Variants in HPCAL1 observed in about 807,000 individuals in gnomAD.
HPCAL1 encodes the protein hippocalcin like 1.
In HPCAL1, 8 loss-of-function variants were observed where a neutral mutation model predicts 17.1. The observed-to-expected ratio is 0.47, with a 90% CI of 0.27 to 0.84. The LOEUF (loss-of-function observed/expected upper bound fraction) is 0.84. Among genes scored for constraint, HPCAL1 ranks in the 40% least tolerant of loss-of-function variants. The probability of loss-of-function intolerance (pLI) is 0.13; values close to 1 mark genes in which losing one functional copy is unlikely to be tolerated. For synonymous variants in HPCAL1, 112 were observed against 111.4 expected (o/e 1.01, Z -0.03); for missense variants, 165 against 271.1 (o/e 0.61, Z 2.75).
At chr2:10,318,092 T>G (rs894633455) in intron 1 of HPCAL1, among the ~76,000 whole-genome samples, 2 of 152,232 alleles carry the variant, frequency 1.3e-5, no homozygotes, top group African/African-American at 4.8e-5. Context: ...ATCCTATTTG[T>G]GCATATTCTT....
chr2:10,342,474 T>C lies in HPCAL1; in HGVS notation c.-111+39297T>C, dbSNP rs1462562319. Among the ~76,000 whole-genome samples, 1 of 144,788 alleles carries C rather than the reference T, an allele frequency of 6.9e-6. No homozygotes were observed. Among genetic ancestry groups the C allele is most frequent in the Non-Finnish European group, 1.5e-5 (1 of 66,156 alleles). The allele number at this position is 144,788 out of a possible 152,430, so 95.0% of individuals were successfully genotyped here. A position where few individuals can be genotyped will look rare whatever the true frequency, so the allele number is the denominator to read the frequency against. ...GAAAGGGAGGCGTGCAGAAACAACG[T>C]AGCTCCAAGGAGGACTGATCAGCCC... On this transcript the variant is annotated intron_variant, in intron 1 of 4. Transcript: ENST00000307845. This position sits in a 1 kb window ranked among gnomAD's most constrained non-coding sequence, Gnocchi z 4.1.
chr2:10,307,581 TCCTA>T (rs1662702956), intron 1 of HPCAL1, among the ~76,000 whole-genome samples: 1 of 152,170 alleles, frequency 6.6e-6, no homozygotes, highest in African/African-American at 2.4e-5. Flanking sequence ...AAGCTGTGTC[TCCTA>T]CCTATTATGG....
intron 1 of HPCAL1, among the ~76,000 whole-genome samples, chr2:10,370,137 C>T (rs978597431): frequency 1.8e-4 from 28 of 152,222 alleles, no homozygotes; most frequent in African/African-American, 6.3e-4. Context: ...GGCTAATCTG[C>T]GCACCCTCTT....
At chr2:10,422,378 G>A (rs977847265) in intron 3 of HPCAL1, among the ~76,000 whole-genome samples, 17 of 152,134 alleles carry the variant, frequency 1.1e-4, no homozygotes, top group South Asian at 4.1e-4. Context: ...TCCCATCACC[G>A]TCTCCTCTGT....
At chr2:10,412,605 A>G (rs1169696236) in intron 2 of HPCAL1, among the ~76,000 whole-genome samples, 1 of 152,228 alleles carries the variant, frequency 6.6e-6, no homozygotes, top group Non-Finnish European at 1.5e-5. Context: ...CCTAGCTGCA[A>G]GGGAGGCTGG....
intron 2 of HPCAL1, among the ~76,000 whole-genome samples, chr2:10,410,193 T>C (rs1020079918): frequency 2.6e-5 from 4 of 152,146 alleles, no homozygotes; most frequent in Admixed American, 2.6e-4. Flanking sequence ...GGGATCTGAC[T>C]GATGAAAGCA....
chr2:10,302,908 G>C lies in HPCAL1; in HGVS notation c.-380G>C, dbSNP rs1662358227. On this transcript the variant is annotated 5_prime_UTR_variant, in exon 1 of 5. Coordinates refer to ENST00000307845, the MANE Select transcript of HPCAL1 (RefSeq NM_002149.4). The stretch of plus-strand genomic sequence containing the variant: ...CCCTTCCTTCCCGGAGCTGGCAGGC[G>C]GGCCGCGGCGGCGGCGGGCAGCGGA... 1 of 151,968 alleles carries C rather than the reference G, an allele frequency of 6.6e-6. No individual in the cohort carries two copies. Among genetic ancestry groups the C allele is most frequent in the Admixed American group, 6.6e-5 (1 of 15,234 alleles). The allele number at this position is 151,968 out of a possible 1,614,324, so 9.4% of individuals were successfully genotyped here. A position where few individuals can be genotyped will look rare whatever the true frequency, so the allele number is the denominator to read the frequency against.
At chr2:10,360,473 A>G (rs186592096) in intron 1 of HPCAL1, among the ~76,000 whole-genome samples, 56 of 151,738 alleles carry the variant, frequency 3.7e-4, no homozygotes, top group Admixed American at 1.1e-3. Flanking sequence ...GTGCAGTGGC[A>G]CGATCTCTGT....
chr2:10,387,881 C>T (rs1668417919), intron 1 of HPCAL1, among the ~76,000 whole-genome samples: 1 of 152,192 alleles, frequency 6.6e-6, no homozygotes, highest in South Asian at 2.1e-4. Context: ...TGGATCTTTC[C>T]TTTCTTTTCT....
At chr2:10,320,675 C>T (rs1472320915) in intron 1 of HPCAL1, among the ~76,000 whole-genome samples, 1 of 152,226 alleles carries the variant, frequency 6.6e-6, no homozygotes, top group African/African-American at 2.4e-5. Context: ...GAGAGAGAAT[C>T]CCTGGGGAGG....
chr2:10,376,324 G>GA (rs975732165), intron 1 of HPCAL1, among the ~76,000 whole-genome samples: 31 of 152,142 alleles, frequency 2.0e-4, no homozygotes, highest in African/African-American at 7.5e-4. Flanking sequence ...GTCTTGTGCT[G>GA]AAATTGTTAT....
intron 1 of HPCAL1, among the ~76,000 whole-genome samples, chr2:10,334,346 A>G (rs991037908): frequency 6.6e-6 from 1 of 151,926 alleles, no homozygotes; most frequent in Non-Finnish European, 1.5e-5. Flanking sequence ...ACAAACAAAA[A>G]AACCAACAAC....
chr2:10,336,631 G>T (rs1664739528), intron 1 of HPCAL1, among the ~76,000 whole-genome samples: 1 of 152,212 alleles, frequency 6.6e-6, no homozygotes, highest in South Asian at 2.1e-4. Flanking sequence ...GTTGGTTGTG[G>T]CTCTGCTCTA....
intron 1 of HPCAL1, among the ~76,000 whole-genome samples, chr2:10,357,984 G>A (rs1666279983): frequency 6.6e-6 from 1 of 152,216 alleles, no homozygotes; most frequent in African/African-American, 2.4e-5. Context: ...CCAGCCCCAG[G>A]GCTGAAACCC....
intron 3 of HPCAL1, among the ~76,000 whole-genome samples, chr2:10,422,635 G>A (rs1671135797): frequency 6.6e-6 from 1 of 152,140 alleles, no homozygotes; most frequent in African/African-American, 2.4e-5. Context: ...AGCTCAGCAG[G>A]CAGTGTGGGG....
intron 1 of HPCAL1, among the ~76,000 whole-genome samples, chr2:10,337,553 C>T (rs1391056851): frequency 6.6e-6 from 1 of 152,148 alleles, no homozygotes; most frequent in Non-Finnish European, 1.5e-5. Flanking sequence ...TTACTTCTCA[C>T]AGCCTCCCTG....
intron 1 of HPCAL1, among the ~76,000 whole-genome samples, chr2:10,305,250 G>T (rs1435618229): frequency 6.6e-6 from 1 of 151,988 alleles, no homozygotes; most frequent in Non-Finnish European, 1.5e-5. Flanking sequence ...AATCAGTCTG[G>T]CTTTCTCAGC....
chr2:10,386,811 C>T (rs1340822998), intron 1 of HPCAL1, among the ~76,000 whole-genome samples: 1 of 152,226 alleles, frequency 6.6e-6, no homozygotes, highest in African/African-American at 2.4e-5. Flanking sequence ...TCCATGGACC[C>T]ACCTCAGGCC....
intron 1 of HPCAL1, among the ~76,000 whole-genome samples, chr2:10,361,172 G>A (rs762176576): frequency 2.7e-5 from 4 of 149,872 alleles, no homozygotes; most frequent in East Asian, 4.0e-4. Flanking sequence ...TTTTCCAGGC[G>A]AGTCCGTGGG....
Sources: gnomAD v4.1 joint callset for allele counts (sites outside exome capture counted in the v4.1 genomes callset) on GRCh38, gnomAD v4.1.1 for gene constraint, Gnocchi (gnomAD v3.1) non-coding constraint, MANE v1.5 for transcripts, NCBI Gene and HGNC (gene_info 2026-07-23, HGNC 2026-07-21) for gene names.